The following SCN1A variants were observed in gnomAD, a reference collection of about 807,000 sequenced individuals.
SCN1A encodes the protein sodium channel protein type 1 subunit alpha.
In SCN1A, 13 loss-of-function variants were observed where a neutral mutation model predicts 193.7. That is an observed-to-expected ratio of 0.07 (90% CI 0.04 to 0.11). SCN1A has a LOEUF of 0.11. Among genes scored for constraint, SCN1A ranks in the 10% least tolerant of loss-of-function variants. SCN1A has a pLI of 1.00. For synonymous variants in SCN1A, 781 were observed against 843.6 expected, an observed-to-expected ratio of 0.93 and a Z score of 1.29; for missense variants, 1,432 against 2,451.1, an observed-to-expected ratio of 0.58 and a Z score of 8.78.
intron 28 of SCN1A, 34 bp downstream of exon 28, chr2:165,994,112 T>G (rs771354260): frequency 1.1e-5 from 17 of 1,510,994 alleles, no homozygotes; most frequent in Admixed American, 1.1e-4. Context: ...TCACTTTTAT[T>G]TAACTGAATT....
At chr2:166,124,056 C>G (rs1276250815) in intron 2 of SCN1A, among the ~76,000 whole-genome samples, 3 of 152,126 alleles carry the variant, frequency 2.0e-5, no homozygotes, top group Non-Finnish European at 4.4e-5. Context: ...CTCACTATCT[C>G]TTTATCTTGC....
chr2:166,047,964 G>T (rs1296123532), intron 10 of SCN1A, among the ~76,000 whole-genome samples, 196 bp from the exon 11 acceptor site: 3 of 151,932 alleles, frequency 2.0e-5, no homozygotes, highest in Non-Finnish European at 4.4e-5. Context: ...AAAATATGGT[G>T]CAGCATTTCT....
At chr2:166,001,247 C>A in intron 24 of SCN1A, among the ~76,000 whole-genome samples, 1 of 151,698 alleles carries the variant, frequency 6.6e-6, no homozygotes, top group East Asian at 1.9e-4. Context: ...TTTGGCCTCC[C>A]AAAGAGCTAG....
intron 26 of SCN1A, chr2:165,996,341 G>C (rs1690060417): frequency 2.7e-6 from 1 of 369,714 alleles, no homozygotes; most frequent in Non-Finnish European, 5.0e-6. Context: ...ATCTTATGAA[G>C]ACAAACACCC....
intron 2 of SCN1A, among the ~76,000 whole-genome samples, chr2:166,100,060 T>A (rs1332793216): frequency 1.6e-5 from 2 of 123,976 alleles, no homozygotes; most frequent in Admixed American, 8.6e-5. Context: ...GCCAAGGCAA[T>A]CCTAAGCCAA....
rs1460077404 is a variant in SCN1A at position 166,036,680 on chromosome 2, G to A, written c.2947-150C>T. The A allele has an allele frequency of 9.6e-6, 7 of 730,348 alleles. No homozygotes were observed. In the East Asian group the frequency reaches 1.9e-4, roughly 20 times the overall value. 45.2% of individuals were successfully genotyped at this position (730,348 alleles called of 1,614,324 possible). ...CACCACAGCATAGTGATTAGAAGAT[G>A]GGTGATCTGAATTTGTGACTGGCTC... On this transcript the variant is annotated intron_variant, in intron 18 of 28. Transcript: ENST00000674923.
Position 166,047,630 on chromosome 2 carries a change from T to C in SCN1A, c.1167A>G (p.Gln389=), listed in dbSNP as rs1189160744. Residue 389 remains glutamine, a synonymous_variant, in exon 11 of 29, where the codon CAA becomes CAG. Transcript: ENST00000674923. ...AGTGTGGCTCTTTAGTTCTCACCAG[T>C]TGATAAAGATTTTCCCAGAAGTCCT... is the stretch of plus-strand genomic sequence containing the variant. ...MTQDFWENLY[Q]LTLRAAGKTY... is the part of the protein sequence containing the mutation. 3.1e-6 allele frequency: 5 copies of C among 1,613,354 alleles called. No homozygotes were observed. The highest frequency in any genetic ancestry group is 2.7e-5 in the African/African-American group (2 of 74,872).
chr2:166,007,610 A>G lies in SCN1A; in HGVS notation c.4002+2109T>C, dbSNP rs1691830771. 6.6e-6 allele frequency among the ~76,000 whole-genome samples: 1 copy of G among 151,430 alleles called. No homozygotes were observed. Among genetic ancestry groups the G allele is most frequent in the Admixed American group, 6.6e-5 (1 of 15,140 alleles). ...TGTCAGCCAGAAATGTGCATAAAAC[A>G]TGCAAAACACAAAGTGCAACGTGAT... On this transcript the variant is annotated intron_variant, in intron 23 of 28. Transcript: ENST00000674923.
intron 4 of SCN1A, among the ~76,000 whole-genome samples, chr2:166,065,857 A>C (rs1026470090): frequency 3.3e-5 from 5 of 152,162 alleles, no homozygotes; most frequent in Admixed American, 6.5e-5. Flanking sequence ...GAATCCTTAG[A>C]TGTATAATTT....
Position 166,120,373 on chromosome 2 carries a change from G to T in SCN1A, c.-142+6551C>A, listed in dbSNP as rs553193088. ...GCTTTTTCTAAGGAAAAACATGTTT[G>T]TTTTTTTTCCGTAATTGGGGCCATC... On this transcript the variant is annotated intron_variant, in intron 2 of 28. Transcript: ENST00000674923. 3.0e-3 allele frequency among the ~76,000 whole-genome samples: 454 copies of T among 149,488 alleles called. 4 individuals carry two copies. Among genetic ancestry groups the T allele is most frequent in the African/African-American group, 0.011 (435 of 40,802 alleles).
At chr2:166,087,554 G>A (rs1271253595) in intron 2 of SCN1A, among the ~76,000 whole-genome samples, 1 of 152,008 alleles carries the variant, frequency 6.6e-6, no homozygotes, top group Admixed American at 6.5e-5. Context: ...GGCTGCCCTT[G>A]CCTTCTGTCA....
chr2:166,100,611 C>T (rs1269037526), intron 2 of SCN1A, among the ~76,000 whole-genome samples: 4 of 149,712 alleles, frequency 2.7e-5, no homozygotes, highest in Middle Eastern at 3.4e-3. Flanking sequence ...ACAACCTACT[C>T]ATCTGACAAA....
In SCN1A at chr2:166,041,417, G is replaced by T; in HGVS notation, c.2229C>A (p.Asn743Lys). The change falls in exon 16 of 29, where the codon AAC becomes AAA. Residue 743 changes from asparagine (N) to lysine (K), a missense_variant. This residue lies in a region of SCN1A where 316 missense variants were observed against 362.1 expected (regional missense o/e 0.87). Coordinates refer to ENST00000674923, the MANE Select transcript of SCN1A (RefSeq NM_001165963.4). Reference protein sequence around the residue: ...KCPPCWYKFSNIFLIWDCSPY... With the variant: ...KCPPCWYKFSKIFLIWDCSPY... ...GAGAACAGTCCCAGATTAAGAATAT[G>T]TTGGAAAATTTATACCAACAGGGTG... The T allele has an allele frequency of 6.2e-7, 1 of 1,608,738 alleles. No individual in the cohort carries two copies. The highest frequency in any genetic ancestry group is 8.5e-7 in the Non-Finnish European group (1 of 1,177,912).
chr2:166,139,978 T>C (rs1265374883), intron 1 of SCN1A, among the ~76,000 whole-genome samples: 2 of 151,700 alleles, frequency 1.3e-5, no homozygotes, highest in African/African-American at 4.8e-5. Flanking sequence ...TTTAGAATAA[T>C]AATAATTGTT....
At chr2:165,985,110 C>A (rs1490118895), downstream of SCN1A, 1 of 151,870 alleles carries the variant, frequency 6.6e-6, no homozygotes, top group Non-Finnish European at 1.5e-5. Context: ...ATTAGAAAAA[C>A]TGATTTTGAA....
intron 2 of SCN1A, among the ~76,000 whole-genome samples, chr2:166,108,683 T>C (rs1010931601): frequency 2.6e-5 from 4 of 152,120 alleles, no homozygotes; most frequent in African/African-American, 9.7e-5. Context: ...AAAGATATTA[T>C]GTTAAGTGAA....
At chr2:166,118,802 G>T (rs1168778904) in intron 2 of SCN1A, among the ~76,000 whole-genome samples, 1 of 152,106 alleles carries the variant, frequency 6.6e-6, no homozygotes, top group Admixed American at 6.5e-5. Flanking sequence ...CTATGAATAT[G>T]TAATTGGAAA....
chr2:166,108,292 A>T (rs1264953107), intron 2 of SCN1A, among the ~76,000 whole-genome samples: 2 of 152,122 alleles, frequency 1.3e-5, no homozygotes, highest in East Asian at 3.9e-4. Context: ...AATAATAATA[A>T]AAAAAACAGA....
Position 166,013,876 on chromosome 2 carries a change from A to G in SCN1A, c.3573T>C (p.Cys1191=), listed in dbSNP as rs750943685. The G allele has an allele frequency of 1.4e-5, 22 of 1,611,864 alleles. No homozygotes were observed. In the Admixed American group the frequency reaches 2.0e-4, roughly 15 times the overall value. Residue 1191 remains cysteine (C), a synonymous_variant, in exon 21 of 29, where the codon TGT becomes TGC. Coordinates refer to ENST00000674923, the MANE Select transcript of SCN1A (RefSeq NM_001165963.4). ...TGCCTTCTTCCACATTGATTTGACA[A>G]CACTTGAATCTTTGTACACAGCCTG... ...FTEGCVQRFK[C]CQINVEEGRG...
Sources: gnomAD v4.1 joint callset for allele counts (sites outside exome capture counted in the v4.1 genomes callset) on GRCh38, gnomAD v4.1.1 for gene constraint, gnomAD v4.1.1 regional missense constraint, MANE v1.5 for transcripts, NCBI Gene and HGNC (gene_info 2026-07-23, HGNC 2026-07-21) for gene names.